OSBPL10: variants seen among roughly 807,000 people sequenced by gnomAD.
The protein encoded by OSBPL10 is oxysterol-binding protein-related protein 10.
Under a neutral mutation model 81.7 loss-of-function variants are expected in OSBPL10, and 49 were observed. The observed-to-expected ratio is 0.60, with a 90% CI of 0.48 to 0.76. The LOEUF is 0.76. Among genes scored for constraint, OSBPL10 ranks in the 30% least tolerant of loss-of-function variants. The pLI is 0.00. For synonymous variants in OSBPL10, 419 were observed against 383.6 expected (o/e 1.09, Z -1.08); for missense variants, 923 against 987.8 (o/e 0.93, Z 0.88).
At chr3:32,072,725 G>C (rs1460963056) in intron 1 of OSBPL10, among the ~76,000 whole-genome samples, 1 of 152,134 alleles carries the variant, frequency 6.6e-6, no homozygotes, top group Non-Finnish European at 1.5e-5. Flanking sequence ...TCGCCCAGGA[G>C]TGGCAAATTG....
intron 1 of OSBPL10, among the ~76,000 whole-genome samples, chr3:31,958,958 A>C (rs1272535783): frequency 2.0e-5 from 3 of 152,290 alleles, no homozygotes; most frequent in African/African-American, 4.8e-5. Context: ...GCACATGGGA[A>C]ACTCATTAAT....
At position 31,906,668 on chromosome 3, in the gene OSBPL10, C is replaced by T. The variant is rs150338399; in HGVS notation, c.282-26838G>A. On this transcript the variant is annotated intron_variant, in intron 1 of 11. Transcript: ENST00000396556. ...AATTAATCTTCAGGCCATCCTGACC[C>T]TCTAATCCTCCTCCCACACTGGCTA... is the stretch of plus-strand genomic sequence containing the variant. Among the ~76,000 whole-genome samples the T allele has an allele frequency of 1.1e-3, 173 of 152,316 alleles. 1 individual carries two copies. The highest frequency in any genetic ancestry group is 3.4e-3 in the Middle Eastern group (1 of 294).
chr3:32,020,719 A>G (rs901195146), intron 2 of OSBPL10, among the ~76,000 whole-genome samples: 1 of 152,234 alleles, frequency 6.6e-6, no homozygotes, highest in South Asian at 2.1e-4. Flanking sequence ...CCAGGAGAAA[A>G]AAAAAAAAGA....
chr3:31,854,127 A>T (rs1185577834), intron 3 of OSBPL10, among the ~76,000 whole-genome samples: 1 of 148,102 alleles, frequency 6.8e-6, no homozygotes, highest in Non-Finnish European at 1.5e-5. Context: ...TATATACATT[A>T]TATCTCAGTA....
intron 3 of OSBPL10, among the ~76,000 whole-genome samples, chr3:31,842,893 G>A (rs1439178684): frequency 1.3e-5 from 2 of 152,132 alleles, no homozygotes; most frequent in Non-Finnish European, 2.9e-5. Context: ...CTGAGAATAC[G>A]TTCCATAATA....
At chr3:31,667,573 G>A (rs566662630) in intron 10 of OSBPL10, among the ~76,000 whole-genome samples, 1 of 152,298 alleles carries the variant, frequency 6.6e-6, no homozygotes, top group South Asian at 2.1e-4. Flanking sequence ...AAAATCATTT[G>A]TAATTTCATT....
chr3:31,887,077 C>G (rs1011561704), intron 1 of OSBPL10, among the ~76,000 whole-genome samples: 2 of 152,164 alleles, frequency 1.3e-5, no homozygotes, highest in Admixed American at 6.5e-5. Flanking sequence ...TCCCCACCCC[C>G]ACATGGTTCC....
chr3:31,918,702 G>C (rs1696827490), intron 1 of OSBPL10, among the ~76,000 whole-genome samples: 1 of 151,960 alleles, frequency 6.6e-6, no homozygotes, highest in South Asian at 2.1e-4. Flanking sequence ...TGGCAACAGG[G>C]GCCCACATAC....
intron 7 of OSBPL10, among the ~76,000 whole-genome samples, chr3:31,689,623 T>C (rs531241961): frequency 2.2e-4 from 33 of 152,212 alleles, no homozygotes; most frequent in Admixed American, 8.5e-4. Context: ...TGGGAGGTAA[T>C]TGAATCATGG....
chr3:31,923,392 C>T (rs1696975970), intron 1 of OSBPL10, among the ~76,000 whole-genome samples: 1 of 152,170 alleles, frequency 6.6e-6, no homozygotes, highest in Non-Finnish European at 1.5e-5. Context: ...CAAACATGGT[C>T]ATTAAATGAG....
intron 1 of OSBPL10, among the ~76,000 whole-genome samples, chr3:31,973,765 G>C (rs1028964557): frequency 2.6e-5 from 4 of 152,200 alleles, no homozygotes; most frequent in African/African-American, 7.2e-5. Context: ...AAATGGTTCA[G>C]CCACTTTGGA....
At chr3:32,020,320 A>T (rs1269210015) in intron 2 of OSBPL10, among the ~76,000 whole-genome samples, 12 of 152,126 alleles carry the variant, frequency 7.9e-5, no homozygotes, top group African/African-American at 2.7e-4. Flanking sequence ...TTCCATATCC[A>T]GCTCCAGGTT....
In OSBPL10 at chr3:31,833,705, G is replaced by GCACACGCACACACA. The variant is rs1553631715; in HGVS notation, c.538-3475_538-3474insTGTGTGTGCGTGTG. Among the ~76,000 whole-genome samples, 3 of 138,040 alleles carry GCACACGCACACACA rather than the reference G, an allele frequency of 2.2e-5. No individual in the cohort carries two copies. In the East Asian group the frequency reaches 6.7e-4, roughly 31 times the overall value. 90.6% of individuals were successfully genotyped at this position (138,040 alleles called of 152,430 possible). A position where few individuals can be genotyped will look rare whatever the true frequency, so the allele number is the denominator to read the frequency against. ...GTAGGGAAAACACGCACACGCACAC[G>GCACACGCACACACA]CACACACACACACACACACACACAC... On this transcript the variant is annotated intron_variant, in intron 3 of 11. Transcript: ENST00000396556.
intron 4 of OSBPL10, among the ~76,000 whole-genome samples, chr3:31,778,483 T>C (rs760858143): frequency 2.6e-5 from 4 of 152,108 alleles, no homozygotes; most frequent in Non-Finnish European, 4.4e-5. Context: ...GACAAGGCCT[T>C]TGAATTAACC....
chr3:31,825,263 G>A (rs1169632492), intron 4 of OSBPL10, among the ~76,000 whole-genome samples: 1 of 152,200 alleles, frequency 6.6e-6, no homozygotes, highest in Non-Finnish European at 1.5e-5. Flanking sequence ...CAATGGAGGA[G>A]ACAGACTGGA....
intron 1 of OSBPL10, among the ~76,000 whole-genome samples, chr3:31,891,524 T>A (rs1695890174): frequency 6.6e-6 from 1 of 152,216 alleles, no homozygotes; most frequent in African/African-American, 2.4e-5. Context: ...TGCCCAAAGG[T>A]CTGCCTGCTT....
At chr3:31,663,456 T>C (rs764517420) in intron 11 of OSBPL10, 25 of 988,644 alleles carry the variant, frequency 2.5e-5, no homozygotes, top group Non-Finnish European at 2.8e-5. Context: ...TCCCAATCCC[T>C]CCACAACTTC....
chr3:31,948,212 A>G (rs1053601628), intron 1 of OSBPL10, among the ~76,000 whole-genome samples: 3 of 152,186 alleles, frequency 2.0e-5, no homozygotes, highest in African/African-American at 7.2e-5. Flanking sequence ...CAACATCCAC[A>G]ATGGACAGAG....
intron 4 of OSBPL10, among the ~76,000 whole-genome samples, chr3:31,801,144 T>A (rs888496982): frequency 6.6e-6 from 1 of 152,198 alleles, no homozygotes; most frequent in Non-Finnish European, 1.5e-5. Flanking sequence ...GGATACTGAC[T>A]GTCAGGTACA....
Sources: allele counts gnomAD v4.1 joint callset (sites outside exome capture counted in the v4.1 genomes callset), GRCh38; gene constraint gnomAD v4.1.1; transcripts MANE v1.5; gene names NCBI Gene and HGNC (gene_info 2026-07-23, HGNC 2026-07-21).